The following ZNF277 variants were observed in gnomAD, a reference collection of about 807,000 sequenced individuals.
The protein encoded by ZNF277 is nuclear receptor-interacting factor 4.
ZNF277 carries 55 observed loss-of-function variants against 60.7 expected under a neutral mutation model. The observed-to-expected ratio is 0.91, with a 90% CI of 0.73 to 1.13. The LOEUF is 1.13. Ranked by LOEUF, ZNF277 falls within the 50% of genes most tolerant of loss-of-function variation. The probability of loss-of-function intolerance (pLI) is 0.00; values close to 1 mark genes in which losing one functional copy is unlikely to be tolerated. For synonymous variants in ZNF277, 178 were observed against 179.3 expected, an observed-to-expected ratio of 0.99 and a Z score of 0.06; for missense variants, 510 against 523.0, an observed-to-expected ratio of 0.98 and a Z score of 0.24.
chr7:112,299,819 C>T (rs1045757436), intron 4 of ZNF277, among the ~76,000 whole-genome samples: 1 of 152,228 alleles, frequency 6.6e-6, no homozygotes, highest in Admixed American at 6.5e-5. Flanking sequence ...CGAGGAAGAA[C>T]CCTCAAACTA....
chr7:112,240,824 C>T (rs767318118), intron 1 of ZNF277, among the ~76,000 whole-genome samples: 1 of 152,150 alleles, frequency 6.6e-6, no homozygotes, highest in Non-Finnish European at 1.5e-5. Context: ...AAACTAGACC[C>T]TTGTCTCTTA....
At chr7:112,330,501 T>G in intron 7 of ZNF277, 1 of 312,916 alleles carries the variant, frequency 3.2e-6, no homozygotes, top group Non-Finnish European at 5.7e-6. Context: ...CCACATACCA[T>G]CCCCCATTTA....
chr7:112,248,768 G>A (rs796111450), intron 1 of ZNF277, among the ~76,000 whole-genome samples: 4 of 151,710 alleles, frequency 2.6e-5, no homozygotes, highest in African/African-American at 4.8e-5. Flanking sequence ...ATATATCTTC[G>A]TACATTTAAC....
intron 4 of ZNF277, among the ~76,000 whole-genome samples, chr7:112,304,782 C>T (rs1792552699): frequency 6.6e-6 from 1 of 152,232 alleles, no homozygotes; most frequent in East Asian, 1.9e-4. Flanking sequence ...TTTAGCCAGC[C>T]TCACTTTGAA....
At chr7:112,299,784 A>G (rs535312514) in intron 4 of ZNF277, among the ~76,000 whole-genome samples, 2 of 152,090 alleles carry the variant, frequency 1.3e-5, no homozygotes, top group African/African-American at 4.8e-5. Flanking sequence ...GAGGATCTCA[A>G]CTTGAGGATC....
At chr7:112,269,114 A>G (rs920563032) in intron 1 of ZNF277, among the ~76,000 whole-genome samples, 4 of 152,144 alleles carry the variant, frequency 2.6e-5, no homozygotes, top group African/African-American at 9.7e-5. Context: ...GTATAGAACC[A>G]TATGGACAAT....
At chr7:112,217,680 G>A (rs1239887528) in intron 1 of ZNF277, among the ~76,000 whole-genome samples, 2 of 152,142 alleles carry the variant, frequency 1.3e-5, no homozygotes, top group Non-Finnish European at 2.9e-5. Context: ...TTCTTGCCTG[G>A]CGAGTAGACT....
intron 1 of ZNF277, among the ~76,000 whole-genome samples, chr7:112,260,105 A>T (rs914970040): frequency 6.6e-6 from 1 of 152,154 alleles, no homozygotes; most frequent in Non-Finnish European, 1.5e-5. Flanking sequence ...CGTCTCTACT[A>T]AAAATACAAA....
At chr7:112,270,960 C>T (rs1791656244) in intron 1 of ZNF277, among the ~76,000 whole-genome samples, 1 of 139,704 alleles carries the variant, frequency 7.2e-6, no homozygotes, top group African/African-American at 2.7e-5. Flanking sequence ...ATTAGAATCT[C>T]TGTGTAAAAA....
chr7:112,229,747 G>C (rs1822273452), intron 1 of ZNF277, among the ~76,000 whole-genome samples: 1 of 152,222 alleles, frequency 6.6e-6, no homozygotes, highest in Non-Finnish European at 1.5e-5. Context: ...GTAGAGGAAA[G>C]TAACACAGAA....
chr7:112,226,062 A>G (rs898518467), intron 1 of ZNF277, among the ~76,000 whole-genome samples: 3 of 152,144 alleles, frequency 2.0e-5, no homozygotes, highest in African/African-American at 7.2e-5. Context: ...ATCTATTAAC[A>G]TTTCATGGGT....
At chr7:112,302,015 A>G (rs1165534269) in intron 4 of ZNF277, among the ~76,000 whole-genome samples, 3 of 152,128 alleles carry the variant, frequency 2.0e-5, no homozygotes, top group African/African-American at 7.2e-5. Flanking sequence ...TCCTTTGTCT[A>G]CAGGAGAAAA....
At chr7:112,218,044 C>T (rs1219583803) in intron 1 of ZNF277, among the ~76,000 whole-genome samples, 5 of 152,154 alleles carry the variant, frequency 3.3e-5, no homozygotes, top group Non-Finnish European at 5.9e-5. Context: ...TTCCGATCCC[C>T]AAATTTGGGG....
At chr7:112,310,302 G>C (rs898276183) in intron 4 of ZNF277, among the ~76,000 whole-genome samples, 3 of 151,904 alleles carry the variant, frequency 2.0e-5, no homozygotes, top group African/African-American at 7.3e-5. Flanking sequence ...AGACCCTCCA[G>C]TCACTCAGGA....
intron 1 of ZNF277, among the ~76,000 whole-genome samples, chr7:112,246,741 C>T (rs1342771562): frequency 1.3e-5 from 2 of 152,180 alleles, no homozygotes; most frequent in African/African-American, 4.8e-5. Context: ...ACTTTTCTGT[C>T]TTGTTCTCCT....
intron 4 of ZNF277, among the ~76,000 whole-genome samples, chr7:112,310,334 A>G (rs1325127933): frequency 1.3e-5 from 2 of 151,874 alleles, no homozygotes; most frequent in African/African-American, 4.8e-5. Context: ...TTAATAAGTT[A>G]TCTCCTAGGA....
chr7:112,321,026 A>G (rs1584408917), intron 5 of ZNF277, among the ~76,000 whole-genome samples: 1 of 144,094 alleles, frequency 6.9e-6, no homozygotes, highest in Admixed American at 7.4e-5. Flanking sequence ...AGTTCAAGCC[A>G]TTCTTCTGCC....
intron 1 of ZNF277, among the ~76,000 whole-genome samples, chr7:112,276,245 A>T (rs1027569471): frequency 3.3e-5 from 5 of 152,228 alleles, no homozygotes; most frequent in African/African-American, 1.2e-4. Context: ...ATAAGAAAGA[A>T]ATGTCTGGGT....
chr7:112,273,182 C>T (rs1269036792), intron 1 of ZNF277, among the ~76,000 whole-genome samples: 8 of 152,136 alleles, frequency 5.3e-5, no homozygotes, highest in African/African-American at 1.7e-4. Context: ...AATTTATTTG[C>T]GACCCAAGTG....
Sources: gnomAD v4.1 joint callset for allele counts (sites outside exome capture counted in the v4.1 genomes callset) on GRCh38, gnomAD v4.1.1 for gene constraint, MANE v1.5 for transcripts, NCBI Gene and HGNC (gene_info 2026-07-23, HGNC 2026-07-21) for gene names.